Variants in ABCC5 observed in about 807,000 individuals in gnomAD.
ABCC5 encodes the protein ATP-binding cassette sub-family C member 5.
Under a neutral mutation model 160.9 loss-of-function variants are expected in ABCC5, and 61 were observed. The ratio of observed to expected loss-of-function variants is 0.38; its 90% CI spans 0.31 to 0.47. The LOEUF is 0.47. Ranked by LOEUF, ABCC5 falls within the 20% of genes least tolerant of loss-of-function variation. The pLI is 0.99. For synonymous variants in ABCC5, 666 were observed against 700.6 expected (o/e 0.95, Z 0.78); for missense variants, 1,308 against 1,813.3 (o/e 0.72, Z 5.06).
In ABCC5 at chr3:183,969,559, G is replaced by A. The variant is rs142947244; in HGVS notation, c.1762-1793C>T. Among the ~76,000 whole-genome samples, 944 of 152,204 alleles carry A rather than the reference G, an allele frequency of 6.2e-3. 12 individuals carry two copies. The highest frequency in any genetic ancestry group is 0.023 in the South Asian group (110 of 4,824). ...ATACAAAAATTAGCCAGGCACAGTG[G>A]CACGTGCCTATAATCCCAGCTACTC... On this transcript the variant is annotated intron_variant, in intron 11 of 29. Coordinates refer to ENST00000334444, the MANE Select transcript of ABCC5 (RefSeq NM_005688.4).
intron 16 of ABCC5, among the ~76,000 whole-genome samples, chr3:183,960,942 C>A (rs1276030383): frequency 6.6e-6 from 1 of 152,046 alleles, no homozygotes; most frequent in Non-Finnish European, 1.5e-5. Flanking sequence ...CCTGCCACCA[C>A]ACCTGGCTAA....
intron 17 of ABCC5, among the ~76,000 whole-genome samples, chr3:183,959,199 G>C (rs539104083): frequency 6.6e-6 from 1 of 151,930 alleles, no homozygotes; most frequent in Non-Finnish European, 1.5e-5. Flanking sequence ...TAACATAAAG[G>C]GTTTAAGAAA....
intron 10 of ABCC5, among the ~76,000 whole-genome samples, chr3:183,973,049 CTTTTT>C (rs11289102): frequency 6.5e-5 from 7 of 108,382 alleles, no homozygotes; most frequent in African/African-American, 2.2e-4. Context: ...TTTGAATCCA[CTTTTT>C]TTTTTTTTTT....
Position 183,989,389 on chromosome 3 carries a change from C to A in ABCC5, c.130-6G>T. ...AAGGCATCTTGGCATTCCAACTGTT[C>A]CAGCAGATAGGGAGAAAGGCAAGAG... On this transcript the variant is annotated splice_polypyrimidine_tract_variant and splice_region_variant and intron_variant, in intron 2 of 29. Transcript: ENST00000334444. The A allele has an allele frequency of 6.2e-7, 1 of 1,613,514 alleles. No individual in the cohort carries two copies.
At position 183,978,596 on chromosome 3, in the gene ABCC5, G is replaced by T; in HGVS notation, c.1203C>A (p.Ile401=). 1 of 1,613,992 alleles carries T rather than the reference G, an allele frequency of 6.2e-7. No homozygotes were observed. The highest frequency in any genetic ancestry group is 8.5e-7 in the Non-Finnish European group (1 of 1,179,992). The change falls in exon 9 of 30, where the codon ATC becomes ATA. Residue 401 remains isoleucine (I), a synonymous_variant. Coordinates refer to ENST00000334444, the MANE Select transcript of ABCC5 (RefSeq NM_005688.4). ...ILEKAGYFQS[I]TVGVAPIVVV... Reference sequence around the variant, plus strand: ...CCACAATGGGAGCCACACCCACAGTGATGCTCTGGAAGTACCCAGCTTTTT... The same window carrying T: ...CCACAATGGGAGCCACACCCACAGTTATGCTCTGGAAGTACCCAGCTTTTT...
intron 15 of ABCC5, among the ~76,000 whole-genome samples, chr3:183,962,495 G>A (rs1030810150): frequency 2.6e-5 from 4 of 151,062 alleles, no homozygotes; most frequent in Admixed American, 1.3e-4. Flanking sequence ...ATTGTGCCTC[G>A]TGACATAGTA....
Position 183,949,428 on chromosome 3 carries a change from T to C in ABCC5, c.3227+325A>G, listed in dbSNP as rs1715140974. 2.0e-5 allele frequency among the ~76,000 whole-genome samples: 3 copies of C among 152,226 alleles called. No individual in the cohort carries two copies. Among genetic ancestry groups the C allele is most frequent in the Admixed American group, 2.0e-4 (3 of 15,292 alleles). ...GGGGTTTGTTCCTTGTATTTTGTTT[T>C]GAGATGGGGTCCACTATATTGCCCA... On this transcript the variant is annotated intron_variant, in intron 22 of 29. Transcript: ENST00000334444. This position sits in a 1 kb window ranked among gnomAD's most constrained non-coding sequence, Gnocchi z 4.2.
intron 5 of ABCC5, chr3:183,985,640 C>A (rs1225784899): frequency 5.8e-6 from 3 of 514,378 alleles, no homozygotes; most frequent in Non-Finnish European, 1.1e-5. Flanking sequence ...TAGGTGAGGC[C>A]TGGTCTTTTA....
Position 183,988,784 on chromosome 3 carries a change from G to A in ABCC5, c.288-57C>T, listed in dbSNP as rs1015287853. On this transcript the variant is annotated intron_variant, in intron 3 of 29. Coordinates refer to ENST00000334444, the MANE Select transcript of ABCC5 (RefSeq NM_005688.4). This position sits in a 1 kb window ranked among gnomAD's most constrained non-coding sequence, Gnocchi z 4.4. The stretch of plus-strand genomic sequence containing the variant: ...TCAACACGCACGGAGAGGGCAGCCC[G>A]TGTTTAATGGACACTGTTTAGTGAA... 5.8e-6 allele frequency: 9 copies of A among 1,547,542 alleles called. No individual in the cohort carries two copies. Among genetic ancestry groups the A allele is most frequent in the African/African-American group, 2.7e-5 (2 of 73,214 alleles).
Position 183,956,423 on chromosome 3 carries a change from C to A in ABCC5, c.2483-3153G>T, listed in dbSNP as rs186639700. Among the ~76,000 whole-genome samples, 847 of 147,754 alleles carry A rather than the reference C, an allele frequency of 5.7e-3. 9 individuals carry two copies. The highest frequency in any genetic ancestry group is 0.02 in the African/African-American group (791 of 39,438). On this transcript the variant is annotated intron_variant, in intron 17 of 29. Coordinates refer to ENST00000334444, the MANE Select transcript of ABCC5 (RefSeq NM_005688.4). ...ATGCAGATCCGTGTGTATATCATATCGGTTACATGCAGATCCGTGTGTAAA... is the reference window on the plus strand; with the variant it reads ...ATGCAGATCCGTGTGTATATCATATAGGTTACATGCAGATCCGTGTGTAAA...
chr3:183,935,744 C>T (rs995083433), intron 26 of ABCC5, among the ~76,000 whole-genome samples: 12 of 152,150 alleles, frequency 7.9e-5, no homozygotes, highest in Admixed American at 2.0e-4. Context: ...TCAGGTGATC[C>T]GCCCACCTAG....
chr3:184,015,376 CA>C (rs1340509318), intron 1 of ABCC5, among the ~76,000 whole-genome samples: 20 of 152,142 alleles, frequency 1.3e-4, no homozygotes, highest in Non-Finnish European at 2.5e-4. Context: ...CTCCCAGAGA[CA>C]AGCTGAGAAA....
chr3:183,982,992 G>A lies in ABCC5; in HGVS notation c.607C>T (p.His203Tyr). 1 of 1,614,160 alleles carries A rather than the reference G, an allele frequency of 6.2e-7. No individual in the cohort carries two copies. Among genetic ancestry groups the A allele is most frequent in the Non-Finnish European group, 8.5e-7 (1 of 1,180,022 alleles). Residue 203 changes from histidine (H) to tyrosine (Y), a missense_variant, in exon 6 of 30, where the codon CAC becomes TAC. Physicochemically the swap from His to Tyr is moderately conservative, Grantham distance 83. Transcript: ENST00000334444. This position sits in a 1 kb window ranked among gnomAD's most constrained non-coding sequence, Gnocchi z 5.2. ...GFSGPAFMVK[H>Y]LLEYTQATES... The stretch of plus-strand genomic sequence containing the variant: ...GTTGCCTGGGTATACTCCAAGAGGT[G>A]TTTCACCATGAAGGCCTACAGGGAG...
rs780725659 is a variant in ABCC5, at chr3:183,965,253, T to G, written c.1963A>C (p.Asn655His). ...AGGCAGCAGCTGTTCAGCACAGAGT[T>G]GTATCTGGAGGACACAAAGAGACAG... is the stretch of plus-strand genomic sequence containing the variant. ...FGKEYDEERY[N>H]SVLNSCCLRP... Residue 655 changes from asparagine (N) to histidine (H), a missense_variant, in exon 14 of 30, where the codon AAC becomes CAC. Coordinates refer to ENST00000334444, the MANE Select transcript of ABCC5 (RefSeq NM_005688.4). The G allele has an allele frequency of 6.2e-7, 1 of 1,614,212 alleles. No individual in the cohort carries two copies. The highest frequency in any genetic ancestry group is 8.5e-7 in the Non-Finnish European group (1 of 1,180,034).
At chr3:183,925,809 G>T (rs2108756614) in intron 28 of ABCC5, 90 bp from the exon 29 acceptor site, 339 of 1,085,638 alleles carry the variant, frequency 3.1e-4, no homozygotes, top group Non-Finnish European at 3.9e-4. Context: ...TTTCATTTAA[G>T]TTTTACACTA....
In ABCC5 at chr3:183,922,035, TAATAAATA is replaced by T. The variant is rs146063907; in HGVS notation, c.4213-642_4213-635del. On this transcript the variant is annotated intron_variant, in intron 29 of 29. Coordinates refer to ENST00000334444, the MANE Select transcript of ABCC5 (RefSeq NM_005688.4). ...GACACAACGAGACTCTGCCTCAAAA[TAATAAATA>T]AATAAATAAATAAATAAATAAATAA... Among the ~76,000 whole-genome samples, 1,457 of 146,198 alleles carry T rather than the reference TAATAAATA, an allele frequency of 1.0e-2. 20 individuals carry two copies. The highest frequency in any genetic ancestry group is 0.026 in the African/African-American group (1,025 of 39,136).
intron 2 of ABCC5, among the ~76,000 whole-genome samples, chr3:184,004,044 G>A (rs1720966740): frequency 6.6e-6 from 1 of 152,156 alleles, no homozygotes; most frequent in Non-Finnish European, 1.5e-5. Flanking sequence ...TTCTATCCCA[G>A]AGACTGATTT....
chr3:183,952,400 G>GAT (rs1715457732), intron 18 of ABCC5, among the ~76,000 whole-genome samples: 1 of 152,078 alleles, frequency 6.6e-6, no homozygotes, highest in Non-Finnish European at 1.5e-5. Flanking sequence ...ACCTGCCTTG[G>GAT]CCTCTCAAAG....
chr3:183,953,200 C>T lies in ABCC5; in HGVS notation c.2553G>A (p.Gln851=), dbSNP rs1423159109. 3 of 1,614,066 alleles carry T rather than the reference C, an allele frequency of 1.9e-6. No individual in the cohort carries two copies. The Admixed American group carries it at 5.0e-5, about 27-fold the overall frequency. Residue 851 remains glutamine (Q), a synonymous_variant, in exon 18 of 30, where the codon CAG becomes CAA. Transcript: ENST00000334444. ...VPWSVYGVYI[Q]AAGGPLAFLV... ...GGAATGCCAAGGGGCCCCCAGCAGC[C>T]TGGATGTAGACACCATATACTGACC...
Sources: gnomAD v4.1 joint callset for allele counts (sites outside exome capture counted in the v4.1 genomes callset) on GRCh38, gnomAD v4.1.1 for gene constraint, Gnocchi (gnomAD v3.1) non-coding constraint, MANE v1.5 for transcripts, NCBI Gene and HGNC (gene_info 2026-07-23, HGNC 2026-07-21) for gene names.